The following SEC23IP variants were observed in gnomAD, a reference collection of about 807,000 sequenced individuals.
SEC23IP encodes the protein SEC23-interacting protein.
Under a neutral mutation model 113.4 loss-of-function variants are expected in SEC23IP, and 70 were observed. The ratio of observed to expected loss-of-function variants is 0.62; its 90% CI spans 0.51 to 0.75. SEC23IP has a LOEUF of 0.75. Ranked by LOEUF, SEC23IP falls within the 30% of genes least tolerant of loss-of-function variation. SEC23IP has a pLI of 0.00. For missense variants in SEC23IP, 1,160 were observed against 1,204.9 expected (o/e 0.96, Z 0.55); for synonymous variants, 398 against 421.0 (o/e 0.95, Z 0.67).
At position 119,896,776 on chromosome 10, in the gene SEC23IP, G is replaced by GTT. The variant is rs112744838; in HGVS notation, c.164-1639_164-1638dup. 2.8e-5 allele frequency among the ~76,000 whole-genome samples: 4 copies of GTT among 145,426 alleles called. No homozygotes were observed. The South Asian group carries it at 6.7e-4, about 24-fold the overall frequency. On this transcript the variant is annotated intron_variant, in intron 1 of 18. Coordinates refer to ENST00000369075, the MANE Select transcript of SEC23IP (RefSeq NM_007190.4). ...TCTAAAGGATGAAAGATACCACTGAGTTTTTTTTTTTTTCATTCTTTTAAT... is the reference window on the plus strand; with the variant it reads ...TCTAAAGGATGAAAGATACCACTGAGTTTTTTTTTTTTTTTCATTCTTTTAAT...
intron 5 of SEC23IP, among the ~76,000 whole-genome samples, chr10:119,910,649 T>A: frequency 6.6e-6 from 1 of 152,202 alleles, no homozygotes; most frequent in Non-Finnish European, 1.5e-5. Context: ...TCTGCCTTCC[T>A]CATTTCTCCT....
At chr10:119,935,724 A>G (rs1334700616) in intron 18 of SEC23IP, among the ~76,000 whole-genome samples, 3 of 152,214 alleles carry the variant, frequency 2.0e-5, no homozygotes, top group Non-Finnish European at 4.4e-5. Context: ...GGACAGTTGA[A>G]ATGAACCACA....
At chr10:119,906,410 GTT>G (rs57638351) in intron 4 of SEC23IP, among the ~76,000 whole-genome samples, 9 of 134,418 alleles carry the variant, frequency 6.7e-5, no homozygotes, top group South Asian at 2.4e-4. Context: ...TCACATCAGG[GTT>G]TTTTTTTTTT....
chr10:119,898,724 C>T lies in SEC23IP; in HGVS notation c.461C>T (p.Ser154Phe). The T allele has an allele frequency of 1.9e-6, 3 of 1,614,230 alleles. No homozygotes were observed. Among genetic ancestry groups the T allele is most frequent in the Non-Finnish European group, 2.5e-6 (3 of 1,180,038 alleles). The change falls in exon 2 of 19, where the codon TCT becomes TTT. Residue 154 changes from serine to phenylalanine, a missense_variant. By Grantham distance (155) the Ser-to-Phe change is radical (BLOSUM62 -2). Coordinates refer to ENST00000369075, the MANE Select transcript of SEC23IP (RefSeq NM_007190.4). ...CCTTCCTCACTGATGGGAATAAATTCTTATCTGCCTTCTCAGCCAAGTAGT... is the reference window on the plus strand; with the variant it reads ...CCTTCCTCACTGATGGGAATAAATTTTTATCTGCCTTCTCAGCCAAGTAGT... ...APPSSLMGIN[S>F]YLPSQPSSLP...
chr10:119,937,188 T>G (rs1254927416), intron 18 of SEC23IP, among the ~76,000 whole-genome samples: 1 of 152,030 alleles, frequency 6.6e-6, no homozygotes, highest in East Asian at 1.9e-4. Context: ...GTCCTTTTCT[T>G]TCTTATGGAT....
chr10:119,905,713 G>T (rs563313762), intron 4 of SEC23IP, among the ~76,000 whole-genome samples: 1 of 152,278 alleles, frequency 6.6e-6, no homozygotes, highest in East Asian at 1.9e-4. Flanking sequence ...CATGATTATT[G>T]TCTACGTGGA....
rs1394878103 is a variant in SEC23IP, at chr10:119,942,748, C to G, written c.*2183C>G. 1 of 152,226 alleles carries G rather than the reference C, an allele frequency of 6.6e-6. No individual in the cohort carries two copies. Among genetic ancestry groups the G allele is most frequent in the Non-Finnish European group, 1.5e-5 (1 of 68,048 alleles). The allele number at this position is 152,226 out of a possible 1,614,324, so 9.4% of individuals were successfully genotyped here. A position where few individuals can be genotyped will look rare whatever the true frequency, so the allele number is the denominator to read the frequency against. ...GATGAAGACACCCAGGCCTCGTCAG[C>G]TATGTTAACGTGCTGTATGACAAGA... On this transcript the variant is annotated 3_prime_UTR_variant, in exon 19 of 19. Coordinates refer to ENST00000369075, the MANE Select transcript of SEC23IP (RefSeq NM_007190.4).
At position 119,919,538 on chromosome 10, in the gene SEC23IP, T is replaced by C; in HGVS notation, c.1967T>C (p.Leu656Pro). 6.2e-7 allele frequency: 1 copy of C among 1,613,846 alleles called. No individual in the cohort carries two copies. Among genetic ancestry groups the C allele is most frequent in the Non-Finnish European group, 8.5e-7 (1 of 1,179,820 alleles). The stretch of plus-strand genomic sequence containing the variant: ...ACTTTGCAAGAAACTCTGGAAGCAC[T>C]TAGCCTCTCTGAATATTTTAGCACT... ...VLTLQETLEA[L>P]SLSEYFSTFE... The change falls in exon 11 of 19, where the codon CTT becomes CCT. Residue 656 changes from leucine (L) to proline (P), a missense_variant. Leu to Pro is a moderately conservative substitution (Grantham distance 98, BLOSUM62 -3). Coordinates refer to ENST00000369075, the MANE Select transcript of SEC23IP (RefSeq NM_007190.4).
At chr10:119,928,514 A>T (rs1377583771) in intron 13 of SEC23IP, among the ~76,000 whole-genome samples, 1 of 152,220 alleles carries the variant, frequency 6.6e-6, no homozygotes, top group Non-Finnish European at 1.5e-5. Flanking sequence ...CCCACATCTA[A>T]GTCAGCACTC....
chr10:119,902,260 G>T (rs1854521002), intron 2 of SEC23IP, among the ~76,000 whole-genome samples: 1 of 152,162 alleles, frequency 6.6e-6, no homozygotes, highest in Non-Finnish European at 1.5e-5. Flanking sequence ...GGAGGCTGAG[G>T]CAGGAGAATC....
chr10:119,911,989 G>A, intron 5 of SEC23IP, 55 bp from the exon 6 acceptor site: 3 of 1,606,536 alleles, frequency 1.9e-6, no homozygotes, highest in Admixed American at 1.7e-5. Context: ...TACTTAGCCT[G>A]TAGTGGAAAA....
intron 3 of SEC23IP, 120 bp from the exon 4 acceptor site, chr10:119,903,964 C>CCT (rs1854576758): frequency 1.0e-6 from 1 of 1,003,552 alleles, no homozygotes; most frequent in Non-Finnish European, 1.5e-6. Flanking sequence ...AAGTGATCCA[C>CCT]CTCTCTCGGC....
chr10:119,933,537 G>A (rs1855676942), intron 17 of SEC23IP, 149 bp from the exon 18 acceptor site: 1 of 607,254 alleles, frequency 1.6e-6, no homozygotes, highest in Non-Finnish European at 2.9e-6. Context: ...AGATTACGCT[G>A]CTTTATTTAT....
chr10:119,898,137 A>G (rs1236235584), intron 1 of SEC23IP: 1 of 260,946 alleles, frequency 3.8e-6, no homozygotes, highest in Non-Finnish European at 7.1e-6. Context: ...ATGGAAGGGT[A>G]TGTAGCAAAA....
In SEC23IP at chr10:119,941,852, A is replaced by G. The variant is rs570025292; in HGVS notation, c.*1287A>G. Reference sequence around the variant, plus strand: ...TATGTAACGTTAGCATTGGCTCCTAATGGTAGAATTAGAACAGCAAGATTG... The same window carrying G: ...TATGTAACGTTAGCATTGGCTCCTAGTGGTAGAATTAGAACAGCAAGATTG... On this transcript the variant is annotated 3_prime_UTR_variant, in exon 19 of 19. Transcript: ENST00000369075. 25 of 152,712 alleles carry G rather than the reference A, an allele frequency of 1.6e-4. No individual in the cohort carries two copies. Among genetic ancestry groups the G allele is most frequent in the African/African-American group, 5.8e-4 (24 of 41,568 alleles). The allele number at this position is 152,712 out of a possible 1,614,324, so 9.5% of individuals were successfully genotyped here.
chr10:119,912,642 CT>C lies in SEC23IP; in HGVS notation c.1312+494del, dbSNP rs760515822. Among the ~76,000 whole-genome samples, 373 of 116,358 alleles carry C rather than the reference CT, an allele frequency of 3.2e-3. 1 individual carries two copies. The highest frequency in any genetic ancestry group is 3.6e-3 in the African/African-American group (124 of 34,654). 76.3% of individuals were successfully genotyped at this position (116,358 alleles called of 152,430 possible). A position where few individuals can be genotyped will look rare whatever the true frequency, so the allele number is the denominator to read the frequency against. ...CCTAGGTATTTTTCTTTTTCTTTTT[CT>C]TTTTTTTTTTTTTTTCAGACAGGGT... On this transcript the variant is annotated intron_variant, in intron 6 of 18. Coordinates refer to ENST00000369075, the MANE Select transcript of SEC23IP (RefSeq NM_007190.4).
chr10:119,914,917 C>T, intron 7 of SEC23IP, 98 bp downstream of exon 7: 1 of 1,101,044 alleles, frequency 9.1e-7, no homozygotes, highest in Admixed American at 2.0e-5. Flanking sequence ...CTGTGTACTA[C>T]TTGCTGAGGA....
chr10:119,933,213 T>C, intron 17 of SEC23IP, 46 bp downstream of exon 17: 1 of 1,526,684 alleles, frequency 6.6e-7, no homozygotes, highest in South Asian at 1.1e-5. Flanking sequence ...CTTTTGGTGC[T>C]AGCACGTGCA....
At chr10:119,894,268 A>G (rs1180571629) in intron 1 of SEC23IP, among the ~76,000 whole-genome samples, 1 of 152,210 alleles carries the variant, frequency 6.6e-6, no homozygotes. Context: ...TTTAGGGCCT[A>G]GTACATAGAT....
Sources: gnomAD v4.1 joint callset for allele counts (sites outside exome capture counted in the v4.1 genomes callset) on GRCh38, gnomAD v4.1.1 for gene constraint, MANE v1.5 for transcripts, NCBI Gene and HGNC (gene_info 2026-07-23, HGNC 2026-07-21) for gene names.